Variants in PCDHGA7 observed in about 807,000 individuals in gnomAD.
PCDHGA7 encodes the protein protocadherin gamma-A7.
Under a neutral mutation model 58.3 loss-of-function variants are expected in PCDHGA7, and 44 were observed. The observed-to-expected ratio is 0.75, with a 90% CI of 0.59 to 0.97. The LOEUF (loss-of-function observed/expected upper bound fraction) is 0.97. PCDHGA7 is among the 50% of genes least tolerant of loss of function. PCDHGA7 has a pLI of 0.00. For missense variants in PCDHGA7, 1,266 were observed against 1,188.7 expected, an observed-to-expected ratio of 1.06 and a Z score of -0.96; for synonymous variants, 516 against 504.2, an observed-to-expected ratio of 1.02 and a Z score of -0.31.
At chr5:141,423,202 G>A (rs771252840) in intron 1 of PCDHGA7, 67 of 1,613,500 alleles carry the variant, frequency 4.2e-5, no homozygotes, top group Non-Finnish European at 5.5e-5. Context: ...CTCGGCCACC[G>A]TCACGCTCAC....
At chr5:141,439,506 C>G (rs2098117403) in intron 1 of PCDHGA7, among the ~76,000 whole-genome samples, 1 of 152,234 alleles carries the variant, frequency 6.6e-6, no homozygotes, top group Non-Finnish European at 1.5e-5. Flanking sequence ...GTCTTTCTCT[C>G]TGCTCTCAAC....
At chr5:141,400,235 T>TGATTCTGGCCGTTGCC in intron 1 of PCDHGA7, 1 of 1,614,006 alleles carries the variant, frequency 6.2e-7, no homozygotes, top group East Asian at 2.2e-5. Flanking sequence ...CTCCTGGCCG[T>TGATTCTGGCCGTTGCC]GATTCTGGCC....
In PCDHGA7 at chr5:141,486,671, C is replaced by A. The variant is rs1307620045; in HGVS notation, c.2425-8136C>A. On this transcript the variant is annotated intron_variant, in intron 1 of 3. Coordinates refer to ENST00000518325, the MANE Select transcript of PCDHGA7 (RefSeq NM_018920.4). The surrounding 1 kb of genome is among the most constrained non-coding windows in gnomAD (Gnocchi z 5.0). The stretch of plus-strand genomic sequence containing the variant: ...CTACTCACTCCTGGAGCCCAGGAAT[C>A]GAGATGTATCAGCTTCCTCTTTCAT... 1.9e-6 allele frequency: 3 copies of A among 1,614,044 alleles called. No individual in the cohort carries two copies. The highest frequency in any genetic ancestry group is 2.5e-6 in the Non-Finnish European group (3 of 1,180,014).
At chr5:141,466,296 A>G (rs2099120415) in intron 1 of PCDHGA7, among the ~76,000 whole-genome samples, 1 of 152,136 alleles carries the variant, frequency 6.6e-6, no homozygotes. Flanking sequence ...TCAGGCTCCC[A>G]AGTAGCTGGG....
chr5:141,389,610 G>C, intron 1 of PCDHGA7: 1 of 1,613,118 alleles, frequency 6.2e-7, no homozygotes, highest in Non-Finnish European at 8.5e-7. Flanking sequence ...CTTCGATATG[G>C]TGCCGCACGC....
chr5:141,458,949 T>A (rs948180008), intron 1 of PCDHGA7, among the ~76,000 whole-genome samples: 1 of 151,814 alleles, frequency 6.6e-6, no homozygotes, highest in East Asian at 1.9e-4. Flanking sequence ...CTTAGGTTGG[T>A]CACAAATTCA....
intron 1 of PCDHGA7, chr5:141,418,417 T>G: frequency 6.2e-7 from 1 of 1,614,002 alleles, no homozygotes; most frequent in Non-Finnish European, 8.5e-7. Flanking sequence ...AAGACAATCC[T>G]GATGGTGGCA....
intron 1 of PCDHGA7, chr5:141,413,071 G>A (rs1589838233): frequency 1.7e-6 from 2 of 1,211,262 alleles, no homozygotes; most frequent in Admixed American, 2.8e-5. Flanking sequence ...AATTTAAAGT[G>A]CCCAGGCTAC....
At chr5:141,478,165 C>T (rs780594020) in intron 1 of PCDHGA7, 18 of 1,613,920 alleles carry the variant, frequency 1.1e-5, no homozygotes, top group Non-Finnish European at 1.5e-5. Context: ...GCTCTGCCCC[C>T]CGGGAGCAGA....
chr5:141,399,001 T>G, intron 1 of PCDHGA7: 1 of 1,613,890 alleles, frequency 6.2e-7, no homozygotes, highest in Non-Finnish European at 8.5e-7. Context: ...TAGTCTGAAT[T>G]CAAAGAGCGG....
chr5:141,432,050 C>T lies in PCDHGA7; in HGVS notation c.2424+46727C>T. The stretch of plus-strand genomic sequence containing the variant: ...GACCGCCACTGACCGGGGAACCCCG[C>T]CCCTATCCACGGAAACTCATATCTC... On this transcript the variant is annotated intron_variant, in intron 1 of 3. Transcript: ENST00000518325. The surrounding 1 kb of genome is among the most constrained non-coding windows in gnomAD (Gnocchi z 6.0). The T allele has an allele frequency of 6.2e-7, 1 of 1,614,218 alleles. No individual in the cohort carries two copies. The highest frequency in any genetic ancestry group is 8.5e-7 in the Non-Finnish European group (1 of 1,180,044).
At chr5:141,423,644 A>G in intron 1 of PCDHGA7, 1 of 1,592,866 alleles carries the variant, frequency 6.3e-7, no homozygotes, top group South Asian at 1.1e-5. Context: ...GGCAAATGTG[A>G]CCCGACAAGT....
intron 1 of PCDHGA7, among the ~76,000 whole-genome samples, chr5:141,400,951 C>A (rs991607511): frequency 6.6e-6 from 1 of 152,174 alleles, no homozygotes; most frequent in Non-Finnish European, 1.5e-5. Flanking sequence ...ACTGATTTCA[C>A]TGGTAGTTTT....
intron 1 of PCDHGA7, chr5:141,427,212 C>T (rs2097000434): frequency 4.4e-6 from 2 of 456,702 alleles, no homozygotes; most frequent in Non-Finnish European, 8.8e-6. Flanking sequence ...CTTCGAATTT[C>T]GTAGCAGTTA....
chr5:141,459,756 G>A (rs1455980132), intron 1 of PCDHGA7, among the ~76,000 whole-genome samples: 1 of 152,118 alleles, frequency 6.6e-6, no homozygotes, highest in Non-Finnish European at 1.5e-5. Flanking sequence ...AATTCTAGTG[G>A]GTGTGTGATA....
At chr5:141,423,160 G>A (rs1272708122) in intron 1 of PCDHGA7, 16 of 1,613,046 alleles carry the variant, frequency 9.9e-6, no homozygotes, top group Non-Finnish European at 1.2e-5. Flanking sequence ...GAGCCTCGTG[G>A]TGGCCGTCCA....
chr5:141,460,275 A>G (rs2154566824), intron 1 of PCDHGA7, among the ~76,000 whole-genome samples: 1 of 152,098 alleles, frequency 6.6e-6, no homozygotes, highest in East Asian at 1.9e-4. Context: ...TTTTTCTTTT[A>G]TAGTTTGTAT....
chr5:141,488,113 T>C (rs1053996929), intron 1 of PCDHGA7, among the ~76,000 whole-genome samples: 1 of 152,084 alleles, frequency 6.6e-6, no homozygotes, highest in African/African-American at 2.4e-5. Flanking sequence ...ATTTGAAACA[T>C]AGAGACAGCA....
chr5:141,486,162 T>G lies in PCDHGA7; in HGVS notation c.2425-8645T>G, dbSNP rs763023343. ...GCTCGCGATGGGGGTTCTCCAGCCA[T>G]GGAGCAACATTGCAGCCTTCGAGTG... On this transcript the variant is annotated intron_variant, in intron 1 of 3. Coordinates refer to ENST00000518325, the MANE Select transcript of PCDHGA7 (RefSeq NM_018920.4). The surrounding 1 kb of genome is among the most constrained non-coding windows in gnomAD (Gnocchi z 5.0). The G allele has an allele frequency of 6.2e-7, 1 of 1,614,170 alleles. No individual in the cohort carries two copies. Among genetic ancestry groups the G allele is most frequent in the Non-Finnish European group, 8.5e-7 (1 of 1,180,026 alleles).
Sources: gnomAD v4.1 joint callset for allele counts (sites outside exome capture counted in the v4.1 genomes callset) on GRCh38, gnomAD v4.1.1 for gene constraint, Gnocchi (gnomAD v3.1) non-coding constraint, MANE v1.5 for transcripts, NCBI Gene and HGNC (gene_info 2026-07-23, HGNC 2026-07-21) for gene names.